ASAP2: variants seen among roughly 807,000 people sequenced by gnomAD.
ASAP2 encodes the protein ArfGAP with SH3 domain, ankyrin repeat and PH domain 2, also known as arf-GAP with SH3 domain, ANK repeat and PH domain-containing protein 2.
In ASAP2, 45 loss-of-function variants were observed where a neutral mutation model predicts 131.4. That is an observed-to-expected ratio of 0.34 (90% CI 0.27 to 0.44). The LOEUF is 0.44. Among genes scored for constraint, ASAP2 ranks in the 20% least tolerant of loss-of-function variants. The pLI is 1.00. For synonymous variants in ASAP2, 510 were observed against 503.0 expected (o/e 1.01, Z -0.19); for missense variants, 1,011 against 1,297.0 (o/e 0.78, Z 3.39).
intron 26 of ASAP2, among the ~76,000 whole-genome samples, chr2:9,401,070 C>G (rs1458243160): frequency 6.6e-6 from 1 of 152,056 alleles, no homozygotes; most frequent in East Asian, 1.9e-4. Flanking sequence ...AGCCCTTGGC[C>G]CCTTCTCTCT....
intron 3 of ASAP2, 78 bp downstream of exon 3, chr2:9,297,523 T>G (rs1668222294): frequency 1.3e-6 from 2 of 1,532,458 alleles, no homozygotes; most frequent in African/African-American, 2.7e-5. Context: ...TATGGTTTGT[T>G]TGATAAACTA....
intron 24 of ASAP2, among the ~76,000 whole-genome samples, chr2:9,397,742 AT>A (rs1676263340): frequency 1.1e-5 from 1 of 88,858 alleles, no homozygotes; most frequent in Non-Finnish European, 2.0e-5. Flanking sequence ...ATATATATAT[AT>A]ATATATATTT....
At chr2:9,376,785 G>C in intron 17 of ASAP2, 123 bp from the exon 18 acceptor site, 1 of 850,060 alleles carries the variant, frequency 1.2e-6, no homozygotes, top group East Asian at 2.5e-5. Flanking sequence ...CTATGTAAGA[G>C]ATAAGTTTCT....
rs780014875 is a variant in ASAP2 at position 9,388,305 on chromosome 2, C to G, written c.2142C>G (p.Asn714Lys). The change falls in exon 22 of 28, where the codon AAC becomes AAG. Residue 714 changes from asparagine to lysine, a missense_variant. Asn to Lys is a moderately conservative substitution (Grantham distance 94). Around this residue, in one of 2 missense-constraint regions of ASAP2, gnomAD observed 652 missense variants for 698.9 expected, o/e 0.93. Coordinates refer to ENST00000281419, the MANE Select transcript of ASAP2 (RefSeq NM_003887.3). ...DMDEKLQPSP[N>K]RREDRPISFY... ...ATGTTCTCCTGCAGCCCAGTCCCAA[C>G]CGGCGGGAAGACCGGCCCATCAGCT... The G allele has an allele frequency of 4.3e-6, 7 of 1,613,900 alleles. No homozygotes were observed. The highest frequency in any genetic ancestry group is 1.7e-6 in the Non-Finnish European group (2 of 1,180,034).
At chr2:9,364,610 G>A (rs939078613) in intron 15 of ASAP2, among the ~76,000 whole-genome samples, 8 of 152,194 alleles carry the variant, frequency 5.3e-5, no homozygotes, top group African/African-American at 1.9e-4. Flanking sequence ...GTTCTCATAC[G>A]GTTGTTAATA....
At chr2:9,292,870 A>G (rs1667907390) in intron 2 of ASAP2, among the ~76,000 whole-genome samples, 1 of 152,166 alleles carries the variant, frequency 6.6e-6, no homozygotes, top group African/African-American at 2.4e-5. Flanking sequence ...TTGAGATGAA[A>G]AAGGAGGTGA....
chr2:9,313,383 C>T (rs1180364067), intron 3 of ASAP2, among the ~76,000 whole-genome samples: 1 of 152,196 alleles, frequency 6.6e-6, no homozygotes, highest in African/African-American at 2.4e-5. Flanking sequence ...TTCTCTGCTG[C>T]AGAGAATCTT....
intron 1 of ASAP2, among the ~76,000 whole-genome samples, chr2:9,248,524 G>C (rs1264963242): frequency 6.6e-6 from 1 of 151,904 alleles, no homozygotes; most frequent in East Asian, 1.9e-4. Context: ...CTTGCTAGTT[G>C]ACCCCAGTGA....
intron 1 of ASAP2, among the ~76,000 whole-genome samples, chr2:9,219,440 A>G: frequency 6.6e-6 from 1 of 152,132 alleles, no homozygotes; most frequent in East Asian, 1.9e-4. Flanking sequence ...TTTGGACTAG[A>G]TGTTCTCTGA....
chr2:9,362,116 G>C (rs1017098878), intron 15 of ASAP2, among the ~76,000 whole-genome samples: 2 of 152,094 alleles, frequency 1.3e-5, no homozygotes, highest in Non-Finnish European at 2.9e-5. Flanking sequence ...CCATGTGCTA[G>C]CATGTGAACC....
chr2:9,317,757 T>C (rs1268517375), intron 3 of ASAP2, among the ~76,000 whole-genome samples: 3 of 146,896 alleles, frequency 2.0e-5, no homozygotes, highest in East Asian at 2.1e-4. Context: ...CACACTCACA[T>C]CCGTACACAA....
At chr2:9,358,928 G>C in intron 15 of ASAP2, 39 bp downstream of exon 15, 1 of 1,583,784 alleles carries the variant, frequency 6.3e-7, no homozygotes, top group Non-Finnish European at 8.6e-7. Context: ...GGAAACAAAT[G>C]AGCTGTAAGC....
rs1235926330 is a variant in ASAP2 at position 9,224,499 on chromosome 2, TG to T, written c.126+17271del. On this transcript the variant is annotated intron_variant, in intron 1 of 27. Coordinates refer to ENST00000281419, the MANE Select transcript of ASAP2 (RefSeq NM_003887.3). ...TTCTTTCAAAGGATTGCTGTATGCC[TG>T]GAAATAAATCCATTTTGGTTTGCAA... Among the ~76,000 whole-genome samples, 4 of 152,340 alleles carry T rather than the reference TG, an allele frequency of 2.6e-5. No individual in the cohort carries two copies. In the East Asian group the frequency reaches 7.7e-4, roughly 29 times the overall value.
At chr2:9,289,568 A>C (rs1158850240) in intron 2 of ASAP2, among the ~76,000 whole-genome samples, 1 of 152,216 alleles carries the variant, frequency 6.6e-6, no homozygotes, top group Non-Finnish European at 1.5e-5. Context: ...GCAGTAGCCC[A>C]GTCTCCACTC....
chr2:9,273,289 A>T (rs1192051126), intron 1 of ASAP2, among the ~76,000 whole-genome samples: 1 of 152,054 alleles, frequency 6.6e-6, no homozygotes, highest in African/African-American at 2.4e-5. Flanking sequence ...TAGGTATTTA[A>T]TTTTATTTGT....
intron 1 of ASAP2, among the ~76,000 whole-genome samples, chr2:9,227,021 C>G (rs1437673782): frequency 1.3e-5 from 2 of 152,116 alleles, no homozygotes; most frequent in East Asian, 1.9e-4. Context: ...TCCAGGTGTT[C>G]GGGTCCTGCT....
intron 1 of ASAP2, among the ~76,000 whole-genome samples, chr2:9,219,290 GC>G (rs1662259761): frequency 6.6e-6 from 1 of 152,190 alleles, no homozygotes; most frequent in African/African-American, 2.4e-5. Flanking sequence ...TTTCACATTT[GC>G]CCTGTGATTC....
In ASAP2 at chr2:9,350,681, T is replaced by G. The variant is rs111254075; in HGVS notation, c.1024-127T>G. On this transcript the variant is annotated intron_variant, in intron 11 of 27. Transcript: ENST00000281419. ...CAGTCAAGCCTTCCTCTGTCAAGTC[T>G]GAAGGCCACCTTTGCAAACTAGTGA... The G allele has an allele frequency of 9.7e-4, 703 of 722,752 alleles. 5 individuals carry two copies. In the African/African-American group the frequency reaches 0.011, roughly 12 times the overall value. The allele number at this position is 722,752 out of a possible 1,614,324, so 44.8% of individuals were successfully genotyped here.
intron 1 of ASAP2, among the ~76,000 whole-genome samples, chr2:9,264,767 G>A (rs548415799): frequency 1.3e-5 from 2 of 152,004 alleles, no homozygotes; most frequent in South Asian, 2.1e-4. Context: ...TTGCATCCTC[G>A]TGTTCAGTCA....
Sources: allele counts gnomAD v4.1 joint callset (sites outside exome capture counted in the v4.1 genomes callset), GRCh38; gene constraint gnomAD v4.1.1; regional missense constraint gnomAD v4.1.1; transcripts MANE v1.5; gene names NCBI Gene and HGNC (gene_info 2026-07-23, HGNC 2026-07-21).